HGF: variants seen among roughly 807,000 people sequenced by gnomAD.
The protein encoded by HGF is hepatocyte growth factor.
A neutral mutation model predicts 111.6 loss-of-function variants in HGF; 39 were observed. That is an observed-to-expected ratio of 0.35 (90% CI 0.27 to 0.46). The LOEUF is 0.46. Among genes scored for constraint, HGF ranks in the 20% least tolerant of loss-of-function variants. The pLI is 1.00. For missense variants in HGF, 735 were observed against 910.5 expected (o/e 0.81, Z 2.48); for synonymous variants, 285 against 294.8 (o/e 0.97, Z 0.34).
chr7:81,707,479 T>G (rs1017861973), intron 13 of HGF, 115 bp from the exon 14 acceptor site: 1 of 692,924 alleles, frequency 1.4e-6, no homozygotes, highest in Non-Finnish European at 2.6e-6. Flanking sequence ...GAGGAAAATA[T>G]AGAAATTAAC....
intron 13 of HGF, among the ~76,000 whole-genome samples, chr7:81,709,061 A>G (rs904166295): frequency 6.6e-6 from 1 of 152,154 alleles, no homozygotes; most frequent in Non-Finnish European, 1.5e-5. Context: ...TCATAAAAGG[A>G]CTTCTGTTTC....
intron 10 of HGF, among the ~76,000 whole-genome samples, chr7:81,718,627 G>A (rs1167876597): frequency 6.6e-6 from 1 of 152,118 alleles, no homozygotes; most frequent in Non-Finnish European, 1.5e-5. Flanking sequence ...CCCATTGATA[G>A]TTTCTAAATA....
In HGF at chr7:81,725,204, G is replaced by A. The variant is rs531343869; in HGVS notation, c.1168+686C>T. 3.3e-5 allele frequency among the ~76,000 whole-genome samples: 5 copies of A among 152,282 alleles called. No homozygotes were observed. The East Asian group carries it at 5.8e-4, about 18-fold the overall frequency. Reference sequence around the variant, plus strand: ...GAGTCCTTTCTCTTTCAGAGCAAAAGGGCAAACAATTCCTGAAAGGCTGAT... The same window carrying A: ...GAGTCCTTTCTCTTTCAGAGCAAAAAGGCAAACAATTCCTGAAAGGCTGAT... On this transcript the variant is annotated intron_variant, in intron 9 of 17. Coordinates refer to ENST00000222390, the MANE Select transcript of HGF (RefSeq NM_000601.6).
At chr7:81,703,082 C>A (rs567141500) in intron 17 of HGF, among the ~76,000 whole-genome samples, 1 of 151,400 alleles carries the variant, frequency 6.6e-6, no homozygotes, top group Non-Finnish European at 1.5e-5. Flanking sequence ...ACCATCGGTG[C>A]CTATTTAATA....
chr7:81,705,566 T>A (rs750636675), intron 16 of HGF, 31 bp from the exon 17 acceptor site: 1 of 1,610,080 alleles, frequency 6.2e-7, no homozygotes, highest in Admixed American at 1.7e-5. Context: ...TACAATAAGG[T>A]GAGAAAAGTA....
rs1381512059 is a variant in HGF, at chr7:81,745,213, A to G, written c.626-93T>C. 11 of 1,364,116 alleles carry G rather than the reference A, an allele frequency of 8.1e-6. No individual in the cohort carries two copies. The African/African-American group carries it at 1.3e-4, about 16-fold the overall frequency. The allele number at this position is 1,364,116 out of a possible 1,614,324, so 84.5% of individuals were successfully genotyped here. On this transcript the variant is annotated intron_variant, in intron 5 of 17. Coordinates refer to ENST00000222390, the MANE Select transcript of HGF (RefSeq NM_000601.6). ...TTAAAGAACAGCACCTGTTTAGTAA[A>G]CAGATTTTTAAAAAATCCTACACAT...
chr7:81,726,493 T>C (rs1285025218), intron 8 of HGF, among the ~76,000 whole-genome samples: 1 of 152,246 alleles, frequency 6.6e-6, no homozygotes, highest in Non-Finnish European at 1.5e-5. Flanking sequence ...TATTCAAATA[T>C]GTGCCACAAA....
At chr7:81,717,094 A>T in intron 11 of HGF, 138 bp downstream of exon 11, 1 of 765,058 alleles carries the variant, frequency 1.3e-6, no homozygotes, top group Non-Finnish European at 2.3e-6. Flanking sequence ...TGTGTTGTGT[A>T]CATTTGTGTG....
In HGF at chr7:81,758,813, A is replaced by T; in HGVS notation, c.255-9T>A. 1 of 1,553,740 alleles carries T rather than the reference A, an allele frequency of 6.4e-7. No individual in the cohort carries two copies. The highest frequency in any genetic ancestry group is 8.9e-7 in the Non-Finnish European group (1 of 1,125,734). The stretch of plus-strand genomic sequence containing the variant: ...TATCAAAAACAAAAGCCCTGAAAAA[A>T]ATATCAGAATGAAAAGAAGAAATAC... On this transcript the variant is annotated splice_polypyrimidine_tract_variant and intron_variant, in intron 2 of 17. Coordinates refer to ENST00000222390, the MANE Select transcript of HGF (RefSeq NM_000601.6).
chr7:81,720,746 G>A lies in HGF; in HGVS notation c.1270C>T (p.Arg424Cys), dbSNP rs759145490. The A allele has an allele frequency of 2.5e-6, 4 of 1,572,270 alleles. No homozygotes were observed. Among genetic ancestry groups the A allele is most frequent in the East Asian group, 2.2e-5 (1 of 44,618 alleles). ...ATTGAAAGGAAGAAATTTACACACC[G>A]ATGTAAGTCTTCCATGTTCTTGTCC... Reference protein sequence around the residue: ...MWDKNMEDLHRHIFWEPDASK... With the variant: ...MWDKNMEDLHCHIFWEPDASK... The change falls in exon 10 of 18, where the codon CGT becomes TGT. Residue 424 changes from arginine to cysteine, a missense_variant and splice_region_variant. By Grantham distance (180) the Arg-to-Cys change is radical (BLOSUM62 -3). This residue lies in a region of HGF where 553 missense variants were observed against 685.6 expected (regional missense o/e 0.81). Transcript: ENST00000222390.
At position 81,711,519 on chromosome 7, in the gene HGF, C is replaced by T. The variant is rs1269718439; in HGVS notation, c.1406G>A (p.Cys469Tyr). ...TATTGTAGGTGTGGTATCACCTTCA[C>T]CTGTAAAAATAAATGTATAGATAAA... ...IPWDYCPISRCEGDTTPTIVN... is the reference protein window; with the variant it reads ...IPWDYCPISRYEGDTTPTIVN... Residue 469 changes from cysteine (C) to tyrosine (Y), a missense_variant and splice_region_variant, in exon 12 of 18, where the codon TGT becomes TAT. Transcript: ENST00000222390. The T allele has an allele frequency of 7.2e-7, 1 of 1,385,966 alleles. No homozygotes were observed. Among genetic ancestry groups the T allele is most frequent in the Non-Finnish European group, 1.0e-6 (1 of 985,712 alleles). 85.9% of individuals were successfully genotyped at this position (1,385,966 alleles called of 1,614,324 possible).
chr7:81,741,127 AG>A (rs1787985210), intron 7 of HGF, among the ~76,000 whole-genome samples: 1 of 152,216 alleles, frequency 6.6e-6, no homozygotes, highest in Admixed American at 6.5e-5. Flanking sequence ...CCACTTTAAT[AG>A]AAGTATCGTC....
At chr7:81,745,271 T>TAA in intron 5 of HGF, 151 bp from the exon 6 acceptor site, 1 of 761,880 alleles carries the variant, frequency 1.3e-6, no homozygotes, top group Non-Finnish European at 2.2e-6. Flanking sequence ...CTAATGTCTA[T>TAA]AAATAGTGAC....
At chr7:81,720,104 G>A (rs185624169) in intron 10 of HGF, among the ~76,000 whole-genome samples, 1 of 152,220 alleles carries the variant, frequency 6.6e-6, no homozygotes, top group African/African-American at 2.4e-5. Context: ...GGTTGAGTGG[G>A]TGCTACCTTC....
chr7:81,740,885 G>T (rs1392898747), intron 7 of HGF, among the ~76,000 whole-genome samples: 1 of 152,162 alleles, frequency 6.6e-6, no homozygotes, highest in Admixed American at 6.5e-5. Flanking sequence ...CCTGAGTTAT[G>T]GCTGGACTCC....
At chr7:81,743,785 C>T (rs140928619) in intron 6 of HGF, among the ~76,000 whole-genome samples, 8 of 152,236 alleles carry the variant, frequency 5.3e-5, no homozygotes, top group Middle Eastern at 3.4e-3. Context: ...AACATGACTT[C>T]ATGTAGAATG....
chr7:81,764,955 T>C (rs1483460314), intron 1 of HGF, among the ~76,000 whole-genome samples: 14 of 152,056 alleles, frequency 9.2e-5, no homozygotes, highest in Non-Finnish European at 2.9e-5. Context: ...AAATAAATGA[T>C]AGTTAATTGA....
At chr7:81,727,186 G>T (rs1368862399) in intron 8 of HGF, among the ~76,000 whole-genome samples, 3 of 146,224 alleles carry the variant, frequency 2.1e-5, no homozygotes, top group Non-Finnish European at 4.5e-5. Flanking sequence ...GATTACAGGT[G>T]CCTGCCACCA....
At chr7:81,714,309 A>G (rs1789655429) in intron 11 of HGF, among the ~76,000 whole-genome samples, 1 of 152,184 alleles carries the variant, frequency 6.6e-6, no homozygotes. Context: ...TATGTTATAT[A>G]TGGCTTTGTA....
Sources: gnomAD v4.1 joint callset for allele counts (sites outside exome capture counted in the v4.1 genomes callset) on GRCh38, gnomAD v4.1.1 for gene constraint, gnomAD v4.1.1 regional missense constraint, MANE v1.5 for transcripts, NCBI Gene and HGNC (gene_info 2026-07-23, HGNC 2026-07-21) for gene names.